Variants in GNG7 observed in about 807,000 individuals in gnomAD.
GNG7 encodes guanine nucleotide-binding protein G(I)/G(S)/G(O) subunit gamma-7.
GNG7 carries 1 observed loss-of-function variant against 4.0 expected under a neutral mutation model. The ratio of observed to expected loss-of-function variants is 0.25; its 90% CI spans 0.09 to 1.18. The LOEUF (loss-of-function observed/expected upper bound fraction) is 1.18, where lower values mean the gene tolerates loss of function less well. GNG7 is among the 50% of genes most tolerant of loss of function. The pLI is 0.50. For synonymous variants in GNG7, 34 were observed against 36.9 expected, an observed-to-expected ratio of 0.92 and a Z score of 0.29; for missense variants, 86 against 91.9, an observed-to-expected ratio of 0.94 and a Z score of 0.26.
At chr19:2,610,718 C>G (rs377078830) in intron 2 of GNG7, 1 of 151,720 alleles carries the variant, frequency 6.6e-6, no homozygotes, top group Admixed American at 6.6e-5. Flanking sequence ...TGGGCTTAAG[C>G]GATCCTCCCG....
Position 2,628,643 on chromosome 19 carries a change from AACTGAGAC to A in GNG7, c.-78+17573_-78+17580del, listed in dbSNP as rs1982079588. Among the ~76,000 whole-genome samples the A allele has an allele frequency of 3.9e-5, 6 of 152,010 alleles. No individual in the cohort carries two copies. The South Asian group carries it at 1.0e-3, about 26-fold the overall frequency. On this transcript the variant is annotated intron_variant, in intron 2 of 4. Coordinates refer to ENST00000382159, the MANE Select transcript of GNG7 (RefSeq NM_052847.3). Reference sequence around the variant, plus strand: ...CTCTCCAGAACCTTCCATCTTGTAAAACTGAGACACTGTATCCACTGAACAACAGCTCC... The same window carrying A: ...CTCTCCAGAACCTTCCATCTTGTAAAACTGTATCCACTGAACAACAGCTCC...
intron 2 of GNG7, among the ~76,000 whole-genome samples, chr19:2,585,405 C>T (rs954545200): frequency 1.3e-5 from 2 of 152,058 alleles, no homozygotes; most frequent in Admixed American, 1.3e-4. Context: ...AATGTGTATA[C>T]ACACACACGG....
rs1219353898 is a variant in GNG7, at chr19:2,554,566, T to A, written c.-38+583A>T. Among the ~76,000 whole-genome samples the A allele has an allele frequency of 6.9e-3, 1,032 of 149,782 alleles. 10 individuals carry two copies. Among genetic ancestry groups the A allele is most frequent in the African/African-American group, 0.024 (984 of 40,992 alleles). On this transcript the variant is annotated intron_variant, in intron 3 of 4. Transcript: ENST00000382159. ...TGCTATATATATATATATATTTTTT[T>A]TTTTTTGAGACAGAGTCTCACTCTG...
At chr19:2,654,745 A>G (rs1470887944) in intron 1 of GNG7, among the ~76,000 whole-genome samples, 2 of 146,766 alleles carry the variant, frequency 1.4e-5, no homozygotes, top group Non-Finnish European at 3.0e-5. Context: ...ACGCAATTCA[A>G]TTATTTTTTT....
chr19:2,684,876 C>T (rs1983832997), intron 1 of GNG7, among the ~76,000 whole-genome samples: 1 of 152,206 alleles, frequency 6.6e-6, no homozygotes, highest in South Asian at 2.1e-4. Flanking sequence ...GTAATCCCAA[C>T]ACTCTGGGAG....
chr19:2,603,924 C>T (rs1171082340), intron 2 of GNG7, among the ~76,000 whole-genome samples: 1 of 151,912 alleles, frequency 6.6e-6, no homozygotes, highest in Non-Finnish European at 1.5e-5. Context: ...AATCTCGGCT[C>T]ACTGCAAGCT....
rs979988886 is a variant in GNG7 at position 2,513,305 on chromosome 19, G to A, written c.*1717C>T. ...TTAGACGCCTGTCTCCACTGGGGCC[G>A]GAGGGACAGGACTAGGCTAGTTTTA... On this transcript the variant is annotated 3_prime_UTR_variant, in exon 5 of 5. Transcript: ENST00000382159. 2.8e-5 allele frequency: 9 copies of A among 324,660 alleles called. No individual in the cohort carries two copies. The highest frequency in any genetic ancestry group is 1.2e-4 in the South Asian group (1 of 8,294). 20.1% of individuals were successfully genotyped at this position (324,660 alleles called of 1,614,324 possible). A position where few individuals can be genotyped will look rare whatever the true frequency, so the allele number is the denominator to read the frequency against.
At chr19:2,572,972 A>G (rs1599398910) in intron 2 of GNG7, among the ~76,000 whole-genome samples, 1 of 141,482 alleles carries the variant, frequency 7.1e-6, no homozygotes, top group African/African-American at 2.6e-5. Context: ...CTCCAACCAC[A>G]CATCCATGCA....
intron 2 of GNG7, among the ~76,000 whole-genome samples, chr19:2,631,620 A>G (rs528052601): frequency 4.8e-4 from 73 of 152,304 alleles, no homozygotes; most frequent in African/African-American, 1.7e-3. Context: ...TATTTATACA[A>G]ACAGGGAGTG....
intron 1 of GNG7, among the ~76,000 whole-genome samples, chr19:2,698,487 C>T (rs1408329831): frequency 6.6e-6 from 1 of 151,890 alleles, no homozygotes. Flanking sequence ...TTGCTTGAGC[C>T]CTGGAGGCGG....
chr19:2,542,680 C>CAGT (rs1979002169), intron 3 of GNG7, among the ~76,000 whole-genome samples: 1 of 152,098 alleles, frequency 6.6e-6, no homozygotes, highest in African/African-American at 2.4e-5. Context: ...ACCACATATG[C>CAGT]AGTAGTTTCT....
At chr19:2,531,836 C>G (rs960664871) in intron 3 of GNG7, among the ~76,000 whole-genome samples, 7 of 151,374 alleles carry the variant, frequency 4.6e-5, no homozygotes, top group African/African-American at 1.7e-4. Context: ...GAGCCAGGAC[C>G]ACATAAACAA....
At chr19:2,594,169 G>A (rs946687972) in intron 2 of GNG7, among the ~76,000 whole-genome samples, 2 of 152,018 alleles carry the variant, frequency 1.3e-5, no homozygotes, top group Non-Finnish European at 2.9e-5. Flanking sequence ...TCAGGAGTTC[G>A]AGACCAGCCT....
At chr19:2,562,916 G>A (rs1382458689) in intron 2 of GNG7, among the ~76,000 whole-genome samples, 2 of 151,386 alleles carry the variant, frequency 1.3e-5, no homozygotes, top group Non-Finnish European at 2.9e-5. Context: ...TCCAGTGTGA[G>A]CAAGGGACAG....
At chr19:2,558,642 G>C (rs1359095000) in intron 2 of GNG7, among the ~76,000 whole-genome samples, 1 of 151,958 alleles carries the variant, frequency 6.6e-6, no homozygotes, top group East Asian at 1.9e-4. Flanking sequence ...TGCTGGGATT[G>C]TGGATGATTT....
intron 2 of GNG7, among the ~76,000 whole-genome samples, chr19:2,616,030 G>T (rs568655405): frequency 6.6e-6 from 1 of 152,184 alleles, no homozygotes; most frequent in Non-Finnish European, 1.5e-5. Context: ...TGCCAGCAGG[G>T]AACAGGGCAG....
chr19:2,660,132 G>A (rs1370965928), intron 1 of GNG7, among the ~76,000 whole-genome samples: 4 of 152,172 alleles, frequency 2.6e-5, no homozygotes, highest in Admixed American at 2.0e-4. Context: ...CCTGCCATCC[G>A]TGGAAGGCAG....
At chr19:2,620,815 C>T (rs1288097186) in intron 2 of GNG7, among the ~76,000 whole-genome samples, 3 of 152,048 alleles carry the variant, frequency 2.0e-5, no homozygotes, top group Admixed American at 6.6e-5. Context: ...CACTCTGGCT[C>T]CGGGCAACAG....
chr19:2,686,753 CTTTTT>C (rs1224590104), intron 1 of GNG7, among the ~76,000 whole-genome samples: 1 of 140,438 alleles, frequency 7.1e-6, no homozygotes, highest in Non-Finnish European at 1.6e-5. Context: ...TTTTTTCTTT[CTTTTT>C]TTTTTTTTTT....
Sources: gnomAD v4.1 joint callset for allele counts (sites outside exome capture counted in the v4.1 genomes callset) on GRCh38, gnomAD v4.1.1 for gene constraint, MANE v1.5 for transcripts, NCBI Gene and HGNC (gene_info 2026-07-23, HGNC 2026-07-21) for gene names.